FAM53B: variants seen among roughly 807,000 people sequenced by gnomAD.
The protein encoded by FAM53B is protein FAM53B.
FAM53B carries 12 observed loss-of-function variants against 32.7 expected under a neutral mutation model. That is an observed-to-expected ratio of 0.37 (90% CI 0.24 to 0.59). FAM53B has a LOEUF of 0.59. FAM53B is among the 20% of genes least tolerant of loss of function. FAM53B has a pLI of 0.72. For missense variants in FAM53B, 477 were observed against 577.7 expected, an observed-to-expected ratio of 0.83 and a Z score of 1.79; for synonymous variants, 234 against 228.7, an observed-to-expected ratio of 1.02 and a Z score of -0.21.
At chr10:124,674,200 C>A (rs563115412) in intron 4 of FAM53B, among the ~76,000 whole-genome samples, 1 of 152,194 alleles carries the variant, frequency 6.6e-6, no homozygotes, top group African/African-American at 2.4e-5. Context: ...AGCAGGGATG[C>A]GGCAGAGCAC....
intron 3 of FAM53B, among the ~76,000 whole-genome samples, chr10:124,690,099 G>A (rs1183297905): frequency 6.6e-6 from 1 of 152,236 alleles, no homozygotes; most frequent in African/African-American, 2.4e-5. Context: ...TCTCTTAACT[G>A]ATGTACACAG....
At chr10:124,690,925 G>C (rs1346444058) in intron 3 of FAM53B, among the ~76,000 whole-genome samples, 2 of 152,130 alleles carry the variant, frequency 1.3e-5, no homozygotes, top group African/African-American at 4.8e-5. Flanking sequence ...CAAAATGGCT[G>C]TCTCTGCAAA....
At chr10:124,671,725 T>C (rs144475894) in intron 4 of FAM53B, among the ~76,000 whole-genome samples, 16 of 152,270 alleles carry the variant, frequency 1.1e-4, no homozygotes, top group African/African-American at 3.9e-4. Flanking sequence ...AAGCCTCTGG[T>C]GGTTGCATTA....
intron 1 of FAM53B, among the ~76,000 whole-genome samples, chr10:124,712,138 T>C (rs1184483266): frequency 6.6e-6 from 1 of 152,116 alleles, no homozygotes; most frequent in Non-Finnish European, 1.5e-5. Context: ...GTGGATCACT[T>C]GAAGTCAGGA....
intron 1 of FAM53B, among the ~76,000 whole-genome samples, chr10:124,736,972 G>C (rs1286196396): frequency 2.0e-5 from 3 of 152,254 alleles, no homozygotes; most frequent in Admixed American, 6.5e-5. Context: ...GTGGTAGAAA[G>C]AATACAGGGC....
chr10:124,626,920 C>T (rs1231746870), intron 4 of FAM53B, among the ~76,000 whole-genome samples: 1 of 152,226 alleles, frequency 6.6e-6, no homozygotes, highest in Non-Finnish European at 1.5e-5. Context: ...GCTATCTGGA[C>T]TAATTGGGCC....
rs138329808 is a variant in FAM53B, at chr10:124,681,642, G to C, written c.871C>G (p.Gln291Glu). 1 of 1,611,502 alleles carries C rather than the reference G, an allele frequency of 6.2e-7. No individual in the cohort carries two copies. Among genetic ancestry groups the C allele is most frequent in the Non-Finnish European group, 8.5e-7 (1 of 1,178,804 alleles). Residue 291 changes from glutamine to glutamate, a missense_variant, in exon 4 of 5, where the codon CAG becomes GAG. Around this residue, in one of 2 missense-constraint regions of FAM53B, gnomAD observed 312 missense variants for 420.2 expected, o/e 0.74. Transcript: ENST00000337318. ...KRRRPEEVQEQRPSLDLAKMA... is the reference protein window; with the variant it reads ...KRRRPEEVQEERPSLDLAKMA... ...TTGGCAAGGTCTAGAGAAGGCCTCT[G>C]CTCTTGCACTTCTTCAGGGCGCCGC...
chr10:124,670,598 G>T (rs1461740377), intron 4 of FAM53B, among the ~76,000 whole-genome samples: 1 of 152,168 alleles, frequency 6.6e-6, no homozygotes, highest in Non-Finnish European at 1.5e-5. Context: ...GCCTCGCCAT[G>T]CCCTGCACTC....
In FAM53B at chr10:124,743,316, T is replaced by C. The variant is rs546266729; in HGVS notation, c.-175+697A>G. Among the ~76,000 whole-genome samples, 74 of 152,242 alleles carry C rather than the reference T, an allele frequency of 4.9e-4. 2 individuals carry two copies. The highest frequency in any genetic ancestry group is 1.7e-3 in the African/African-American group (69 of 41,538). On this transcript the variant is annotated intron_variant, in intron 1 of 4. Transcript: ENST00000337318. Reference sequence around the variant, plus strand: ...AATCCAAGACTAGCAAAAATGTGACTCGACCAGTGTGCCTGTGCCGGACGG... The same window carrying C: ...AATCCAAGACTAGCAAAAATGTGACCCGACCAGTGTGCCTGTGCCGGACGG...
intron 1 of FAM53B, among the ~76,000 whole-genome samples, chr10:124,708,438 C>G (rs899211604): frequency 2.6e-5 from 4 of 152,192 alleles, no homozygotes; most frequent in Non-Finnish European, 5.9e-5. Context: ...AGGAAGGGAG[C>G]CCCGGGGAGC....
At chr10:124,718,942 G>GGAGGCTGAGTAGGGAGCCAGGAAGGTC (rs1200665002) in intron 1 of FAM53B, among the ~76,000 whole-genome samples, 3 of 152,104 alleles carry the variant, frequency 2.0e-5, no homozygotes, top group Non-Finnish European at 4.4e-5. Context: ...CAGCTACACA[G>GGAGGCTGAGTAGGGAGCCAGGAAGGTC]GAGGCTGAGT....
intron 4 of FAM53B, among the ~76,000 whole-genome samples, chr10:124,666,342 C>A (rs1949672523): frequency 6.6e-6 from 1 of 152,260 alleles, no homozygotes; most frequent in Non-Finnish European, 1.5e-5. Context: ...ATTCTGGGGC[C>A]TTCCCTCCAC....
At chr10:124,652,403 G>A (rs1484253263) in intron 4 of FAM53B, among the ~76,000 whole-genome samples, 4 of 152,196 alleles carry the variant, frequency 2.6e-5, no homozygotes, top group African/African-American at 9.6e-5. Flanking sequence ...AGTTCATGCT[G>A]TTGTCAGGTG....
At chr10:124,648,872 G>A (rs1479351022) in intron 4 of FAM53B, among the ~76,000 whole-genome samples, 2 of 152,258 alleles carry the variant, frequency 1.3e-5, no homozygotes, top group African/African-American at 4.8e-5. Flanking sequence ...AGCCCTTAAC[G>A]AATGTGCAGC....
chr10:124,686,291 G>A (rs1350884712), intron 3 of FAM53B, among the ~76,000 whole-genome samples: 3 of 152,220 alleles, frequency 2.0e-5, no homozygotes, highest in Non-Finnish European at 4.4e-5. Flanking sequence ...CATCAGAGCT[G>A]GGTGATGAAT....
chr10:124,631,888 C>G (rs537771358), intron 4 of FAM53B, among the ~76,000 whole-genome samples: 60 of 152,318 alleles, frequency 3.9e-4, no homozygotes, highest in Non-Finnish European at 7.5e-4. Flanking sequence ...TGTGTGTACC[C>G]CATTTCCTGC....
In FAM53B at chr10:124,620,142, GA is replaced by G. The variant is rs1263671760; in HGVS notation, c.*3099del. ...ATTTGGTTGAAAAGTAAGGCTTTCT[GA>G]GAATGAAAATCTGTACGTCTGGTCA... On this transcript the variant is annotated 3_prime_UTR_variant, in exon 5 of 5. Transcript: ENST00000337318. The G allele has an allele frequency of 6.6e-6, 1 of 152,658 alleles. No homozygotes were observed. Among genetic ancestry groups the G allele is most frequent in the African/African-American group, 2.4e-5 (1 of 41,468 alleles). 9.5% of individuals were successfully genotyped at this position (152,658 alleles called of 1,614,324 possible).
intron 4 of FAM53B, among the ~76,000 whole-genome samples, chr10:124,638,301 C>T (rs1462657117): frequency 6.6e-6 from 1 of 152,054 alleles, no homozygotes. Flanking sequence ...ACCTGGGAGG[C>T]GGAGCTTGCA....
chr10:124,688,320 T>G (rs1318775110), intron 3 of FAM53B, among the ~76,000 whole-genome samples: 1 of 152,208 alleles, frequency 6.6e-6, no homozygotes, highest in Non-Finnish European at 1.5e-5. Flanking sequence ...CACCAGCCCA[T>G]TCAGTTCTAT....
Sources: allele counts gnomAD v4.1 joint callset (sites outside exome capture counted in the v4.1 genomes callset), GRCh38; gene constraint gnomAD v4.1.1; regional missense constraint gnomAD v4.1.1; transcripts MANE v1.5; gene names NCBI Gene and HGNC (gene_info 2026-07-23, HGNC 2026-07-21).